The following HS6ST3 variants were observed in gnomAD, a reference collection of about 807,000 sequenced individuals.
HS6ST3 encodes the protein heparan sulfate 6-O-sulfotransferase 3, also known as heparan-sulfate 6-O-sulfotransferase 3.
A neutral mutation model predicts 36.7 loss-of-function variants in HS6ST3; 12 were observed. The ratio of observed to expected loss-of-function variants is 0.33; its 90% CI spans 0.21 to 0.53. The LOEUF (loss-of-function observed/expected upper bound fraction) is 0.53, where lower values mean the gene tolerates loss of function less well. HS6ST3 is among the 20% of genes least tolerant of loss of function. The pLI is 0.95. For synonymous variants in HS6ST3, 240 were observed against 257.5 expected, an observed-to-expected ratio of 0.93 and a Z score of 0.65; for missense variants, 584 against 640.9, an observed-to-expected ratio of 0.91 and a Z score of 0.96.
chr13:96,500,518 G>A (rs2055999105), intron 1 of HS6ST3, among the ~76,000 whole-genome samples: 3 of 152,122 alleles, frequency 2.0e-5, no homozygotes, highest in East Asian at 1.9e-4. Context: ...AAAGGTATAC[G>A]TGGGGGGACC....
intron 1 of HS6ST3, among the ~76,000 whole-genome samples, chr13:96,627,704 G>C (rs1210868704): frequency 6.6e-6 from 1 of 151,696 alleles, no homozygotes; most frequent in Non-Finnish European, 1.5e-5. Flanking sequence ...GGATTTACTT[G>C]TACTAAATAT....
intron 1 of HS6ST3, among the ~76,000 whole-genome samples, chr13:96,812,798 C>CA (rs1878344744): frequency 1.3e-5 from 2 of 151,652 alleles, no homozygotes; most frequent in African/African-American, 2.4e-5. Flanking sequence ...CACACACACA[C>CA]CCCTTAGGCT....
intron 1 of HS6ST3, among the ~76,000 whole-genome samples, chr13:96,431,811 T>C (rs1270679664): frequency 1.3e-5 from 2 of 152,230 alleles, no homozygotes; most frequent in African/African-American, 2.4e-5. Flanking sequence ...TCATCTCTTG[T>C]AGGGCAACTT....
chr13:96,751,831 C>T (rs1002675585), intron 1 of HS6ST3, among the ~76,000 whole-genome samples: 5 of 150,684 alleles, frequency 3.3e-5, no homozygotes, highest in African/African-American at 1.2e-4. Flanking sequence ...CATATGTACA[C>T]ACATATAGTA....
chr13:96,124,949 C>T (rs2053943504), intron 1 of HS6ST3, among the ~76,000 whole-genome samples: 1 of 152,116 alleles, frequency 6.6e-6, no homozygotes, highest in Admixed American at 6.5e-5. Context: ...TACTGTGTGA[C>T]ATTCTGCTGT....
chr13:96,777,351 T>G (rs1278831148), intron 1 of HS6ST3, among the ~76,000 whole-genome samples: 2 of 151,486 alleles, frequency 1.3e-5, no homozygotes, highest in Admixed American at 6.6e-5. Flanking sequence ...GAGAAAGAAA[T>G]AAAGCGTATT....
At chr13:96,729,454 C>CTTTA (rs970929267) in intron 1 of HS6ST3, among the ~76,000 whole-genome samples, 5 of 151,888 alleles carry the variant, frequency 3.3e-5, no homozygotes, top group South Asian at 2.1e-4. Context: ...CCAATAGTGA[C>CTTTA]TTTATTTATT....
At chr13:96,165,652 A>T (rs77199923) in intron 1 of HS6ST3, among the ~76,000 whole-genome samples, 3,941 of 152,258 alleles carry the variant, frequency 0.026, 64 homozygotes, top group East Asian at 0.055. Flanking sequence ...TGGGTGGGTC[A>T]TGTCTGGGAA....
In HS6ST3 at chr13:96,091,454, T is replaced by C; in HGVS notation, c.592T>C (p.Ser198Pro). ...TGGCAAGAAGGAGACGTGGCTCTTC[T>C]CCCGCTTCTCCACCGGCTGGAGCTG... Reference protein sequence around the residue: ...RPGKKETWLFSRFSTGWSCGL... With the variant: ...RPGKKETWLFPRFSTGWSCGL... The change falls in exon 1 of 2, where the codon TCC (serine) becomes CCC (proline). Residue 198 changes from serine (S) to proline (P), a missense_variant. This residue lies in a region of HS6ST3 where 360 missense variants were observed against 411.3 expected (regional missense o/e 0.88). Transcript: ENST00000376705. 6.2e-7 allele frequency: 1 copy of C among 1,609,900 alleles called. No homozygotes were observed. The highest frequency in any genetic ancestry group is 8.5e-7 in the Non-Finnish European group (1 of 1,178,910).
intron 1 of HS6ST3, among the ~76,000 whole-genome samples, chr13:96,170,664 C>G (rs1165293928): frequency 1.3e-5 from 2 of 152,094 alleles, no homozygotes; most frequent in African/African-American, 2.4e-5. Context: ...CTCACTGGAA[C>G]TGTCATGGGG....
At chr13:96,440,747 G>A (rs556293955) in intron 1 of HS6ST3, among the ~76,000 whole-genome samples, 65 of 152,026 alleles carry the variant, frequency 4.3e-4, no homozygotes, top group Non-Finnish European at 9.0e-4. Flanking sequence ...AGACTACAGT[G>A]GTTTGACTTA....
chr13:96,277,752 G>A (rs1349259608), intron 1 of HS6ST3, among the ~76,000 whole-genome samples: 1 of 152,084 alleles, frequency 6.6e-6, no homozygotes, highest in Non-Finnish European at 1.5e-5. Context: ...GGCTGGGAGA[G>A]AACACAGATA....
Position 96,355,404 on chromosome 13 carries a change from A to C in HS6ST3, c.707+263835A>C, listed in dbSNP as rs9584360. On this transcript the variant is annotated intron_variant, in intron 1 of 1. Transcript: ENST00000376705. ...ACACACACACACACACACACACACA[A>C]ACACACAAACACACACACACAGAGG... Among the ~76,000 whole-genome samples, 61 of 89,774 alleles carry C rather than the reference A, an allele frequency of 6.8e-4. No individual in the cohort carries two copies. The East Asian group carries it at 7.4e-3, about 11-fold the overall frequency. 58.9% of individuals were successfully genotyped at this position (89,774 alleles called of 152,430 possible).
chr13:96,181,556 C>A (rs1009544019), intron 1 of HS6ST3, among the ~76,000 whole-genome samples: 1 of 152,132 alleles, frequency 6.6e-6, no homozygotes, highest in African/African-American at 2.4e-5. Flanking sequence ...GGGCCCTGGC[C>A]TGGTGGAGTT....
intron 1 of HS6ST3, among the ~76,000 whole-genome samples, chr13:96,094,992 G>C (rs1365209816): frequency 6.6e-6 from 1 of 151,950 alleles, no homozygotes; most frequent in East Asian, 1.9e-4. Context: ...CTCCTTTTTA[G>C]CATTCTTGAG....
rs2055035566 is a variant in HS6ST3, at chr13:96,326,972, G to A, written c.707+235403G>A. ...TCATGTGTTTTTTGGCTGCATAAAT[G>A]TCTTCTTTTGAGAAGTGTCTGTTCA... On this transcript the variant is annotated intron_variant, in intron 1 of 1. Coordinates refer to ENST00000376705, the MANE Select transcript of HS6ST3 (RefSeq NM_153456.4). 2.0e-5 allele frequency among the ~76,000 whole-genome samples: 3 copies of A among 149,578 alleles called. No homozygotes were observed. The South Asian group carries it at 6.5e-4, about 32-fold the overall frequency.
At chr13:96,816,399 A>T (rs1260887890) in intron 1 of HS6ST3, among the ~76,000 whole-genome samples, 1 of 152,196 alleles carries the variant, frequency 6.6e-6, no homozygotes, top group East Asian at 1.9e-4. Context: ...TTCACGTTGT[A>T]CTGGGGGGCA....
Position 96,331,138 on chromosome 13 carries a change from G to A in HS6ST3, c.707+239569G>A, listed in dbSNP as rs868440581. 9.1e-4 allele frequency among the ~76,000 whole-genome samples: 139 copies of A among 151,968 alleles called. 1 individual carries two copies. Among genetic ancestry groups the A allele is most frequent in the African/African-American group, 2.9e-3 (119 of 41,374 alleles). On this transcript the variant is annotated intron_variant, in intron 1 of 1. Transcript: ENST00000376705. ...TTGCCTTTGGTTTGAATGTCCTCCCGTAGCTCAGAGTAATTTGATCGTCTG... is the reference window on the plus strand; with the variant it reads ...TTGCCTTTGGTTTGAATGTCCTCCCATAGCTCAGAGTAATTTGATCGTCTG...
At chr13:96,135,103 G>C (rs2139313833) in intron 1 of HS6ST3, among the ~76,000 whole-genome samples, 1 of 152,256 alleles carries the variant, frequency 6.6e-6, no homozygotes, top group South Asian at 2.1e-4. Flanking sequence ...ATTCTGGAAG[G>C]AGGCTGTATA....
Sources: allele counts gnomAD v4.1 joint callset (sites outside exome capture counted in the v4.1 genomes callset), GRCh38; gene constraint gnomAD v4.1.1; regional missense constraint gnomAD v4.1.1; transcripts MANE v1.5; gene names NCBI Gene and HGNC (gene_info 2026-07-23, HGNC 2026-07-21).